MEGF11: variants seen among roughly 807,000 people sequenced by gnomAD.
The protein encoded by MEGF11 is multiple EGF like domains 11.
Under a neutral mutation model 146.6 loss-of-function variants are expected in MEGF11, and 126 were observed. The observed-to-expected ratio is 0.86, with a 90% CI of 0.74 to 1.00. The LOEUF (loss-of-function observed/expected upper bound fraction) is 1.00, where lower values mean the gene tolerates loss of function less well. MEGF11 is among the 50% of genes least tolerant of loss of function. MEGF11 has a pLI of 0.00. For synonymous variants in MEGF11, 532 were observed against 583.4 expected, an observed-to-expected ratio of 0.91 and a Z score of 1.27; for missense variants, 1,509 against 1,521.2, an observed-to-expected ratio of 0.99 and a Z score of 0.13.
chr15:66,126,402 C>T (rs925075540), intron 2 of MEGF11, among the ~76,000 whole-genome samples: 1 of 152,230 alleles, frequency 6.6e-6, no homozygotes, highest in African/African-American at 2.4e-5. Context: ...CCTTGTCTTC[C>T]CATCCAGGCT....
chr15:66,219,773 A>G (rs1389713481), intron 1 of MEGF11, among the ~76,000 whole-genome samples: 3 of 152,216 alleles, frequency 2.0e-5, no homozygotes, highest in African/African-American at 7.2e-5. Context: ...CCCAGAGATA[A>G]TCTTATGTTC....
chr15:66,165,474 A>C (rs1413748947), intron 1 of MEGF11, among the ~76,000 whole-genome samples: 1 of 152,170 alleles, frequency 6.6e-6, no homozygotes, highest in Non-Finnish European at 1.5e-5. Context: ...CCAGCACAGA[A>C]GAGAGAAAGG....
At chr15:65,965,189 G>T in intron 8 of MEGF11, 69 bp from the exon 9 acceptor site, 1 of 1,353,006 alleles carries the variant, frequency 7.4e-7, no homozygotes, top group Non-Finnish European at 1.0e-6. Flanking sequence ...AGATCCTCCA[G>T]GATGTGGTCC....
intron 1 of MEGF11, among the ~76,000 whole-genome samples, chr15:66,244,524 A>C (rs1259356610): frequency 6.6e-6 from 1 of 152,162 alleles, no homozygotes; most frequent in Non-Finnish European, 1.5e-5. Context: ...AGATGTATGC[A>C]ATAGAAAACA....
rs766235146 is a variant in MEGF11 at position 65,922,251 on chromosome 15, G to C, written c.1957+87C>G. ...AGGAGCTACCTCCATAGCGTATGAT[G>C]AAAATCCCCAAGCCCTTCCTTCCCT... On this transcript the variant is annotated intron_variant, in intron 15 of 25. Coordinates refer to ENST00000395614, the MANE Select transcript of MEGF11 (RefSeq NM_001385028.1). 1,567 of 1,513,132 alleles carry C rather than the reference G, an allele frequency of 1.0e-3. 1 individual carries two copies. Among genetic ancestry groups the C allele is most frequent in the Non-Finnish European group, 1.3e-3 (1,423 of 1,116,940 alleles). 93.7% of individuals were successfully genotyped at this position (1,513,132 alleles called of 1,614,324 possible). A position where few individuals can be genotyped will look rare whatever the true frequency, so the allele number is the denominator to read the frequency against.
At chr15:65,996,322 A>G (rs1057281643) in intron 5 of MEGF11, among the ~76,000 whole-genome samples, 1 of 152,200 alleles carries the variant, frequency 6.6e-6, no homozygotes, top group Admixed American at 6.5e-5. Flanking sequence ...CACAGCTGCC[A>G]TTGAATGATA....
chr15:65,909,839 T>C (rs774150717), intron 21 of MEGF11, 33 bp from the exon 22 acceptor site: 1 of 1,532,522 alleles, frequency 6.5e-7, no homozygotes, highest in South Asian at 1.2e-5. Flanking sequence ...AGTTAATATC[T>C]AGTGCCCCAG....
At chr15:65,988,070 C>T (rs1313225157) in intron 5 of MEGF11, among the ~76,000 whole-genome samples, 3 of 140,778 alleles carry the variant, frequency 2.1e-5, no homozygotes, top group Admixed American at 1.5e-4. Flanking sequence ...TGCAGTGGTG[C>T]GATATCTGCT....
chr15:66,152,726 C>T (rs574701526), intron 1 of MEGF11, among the ~76,000 whole-genome samples: 2 of 152,386 alleles, frequency 1.3e-5, no homozygotes, highest in East Asian at 3.9e-4. Context: ...GACTCTCCCC[C>T]TGCTGTCCTC....
intron 4 of MEGF11, among the ~76,000 whole-genome samples, chr15:66,116,528 G>A (rs1029574183): frequency 3.3e-5 from 5 of 152,180 alleles, no homozygotes; most frequent in African/African-American, 1.2e-4. Flanking sequence ...CCTGCATCTT[G>A]CGTAGCAAGA....
chr15:66,097,385 C>T (rs2086599316), intron 4 of MEGF11, among the ~76,000 whole-genome samples: 1 of 152,170 alleles, frequency 6.6e-6, no homozygotes, highest in African/African-American at 2.4e-5. Context: ...CCTGGGGTTA[C>T]TCAGCTGCTG....
chr15:66,161,934 T>C (rs2089963941), intron 1 of MEGF11, among the ~76,000 whole-genome samples: 1 of 152,112 alleles, frequency 6.6e-6, no homozygotes, highest in Non-Finnish European at 1.5e-5. Context: ...TACCCACAAA[T>C]ACATGTGTGC....
intron 5 of MEGF11, among the ~76,000 whole-genome samples, chr15:66,025,366 T>G (rs1049106167): frequency 2.0e-5 from 3 of 151,998 alleles, no homozygotes; most frequent in Non-Finnish European, 4.4e-5. Flanking sequence ...AAACTCATGC[T>G]GGGCCCCTCA....
chr15:66,095,761 G>C (rs2086520271), intron 4 of MEGF11, among the ~76,000 whole-genome samples: 1 of 152,186 alleles, frequency 6.6e-6, no homozygotes, highest in South Asian at 2.1e-4. Context: ...TGCAAGCCTG[G>C]GTTGTGGTGT....
At position 66,198,674 on chromosome 15, in the gene MEGF11, C is replaced by T. The variant is rs185989676; in HGVS notation, c.-9+54931G>A. ...CTAATTTTTTTGTTTTTGATAGAGACGGGGTTTCATCATGTTGCCCAGGCT... is the reference window on the plus strand; with the variant it reads ...CTAATTTTTTTGTTTTTGATAGAGATGGGGTTTCATCATGTTGCCCAGGCT... On this transcript the variant is annotated intron_variant, in intron 1 of 25. Transcript: ENST00000395614. 7.4e-4 allele frequency among the ~76,000 whole-genome samples: 113 copies of T among 152,092 alleles called. No individual in the cohort carries two copies. In the East Asian group the frequency reaches 0.018, roughly 25 times the overall value.
intron 13 of MEGF11, among the ~76,000 whole-genome samples, chr15:65,924,908 C>T (rs538262967): frequency 6.6e-6 from 1 of 152,234 alleles, no homozygotes; most frequent in South Asian, 2.1e-4. Flanking sequence ...GGATTACAGT[C>T]GTGAGCCACT....
At chr15:66,170,764 C>G (rs1319068530) in intron 1 of MEGF11, among the ~76,000 whole-genome samples, 1 of 152,102 alleles carries the variant, frequency 6.6e-6, no homozygotes, top group Admixed American at 6.5e-5. Flanking sequence ...AAGACCCCCA[C>G]TCCCCATCCC....
At chr15:66,114,740 A>G (rs1288627103) in intron 4 of MEGF11, among the ~76,000 whole-genome samples, 2 of 141,958 alleles carry the variant, frequency 1.4e-5, no homozygotes, top group Admixed American at 6.9e-5. Context: ...ACTCCGCTGT[A>G]GCTGTAGATA....
chr15:66,132,943 G>A (rs1254299239), intron 1 of MEGF11, among the ~76,000 whole-genome samples: 1 of 152,036 alleles, frequency 6.6e-6, no homozygotes, highest in African/African-American at 2.4e-5. Context: ...AGCATTGCCT[G>A]CACATACAGC....
Sources: allele counts gnomAD v4.1 joint callset (sites outside exome capture counted in the v4.1 genomes callset), GRCh38; gene constraint gnomAD v4.1.1; transcripts MANE v1.5; gene names NCBI Gene and HGNC (gene_info 2026-07-23, HGNC 2026-07-21).